CADM2: variants seen among roughly 807,000 people sequenced by gnomAD.
The protein encoded by CADM2 is cell adhesion molecule 2.
CADM2 carries 12 observed loss-of-function variants against 49.8 expected under a neutral mutation model. That is an observed-to-expected ratio of 0.24 (90% CI 0.15 to 0.39). The LOEUF (loss-of-function observed/expected upper bound fraction) is 0.39, where lower values mean the gene tolerates loss of function less well. CADM2 is among the 10% of genes least tolerant of loss of function. The pLI, the probability that CADM2 is intolerant of heterozygous loss-of-function variation, is 1.00. For missense variants in CADM2, 378 were observed against 492.3 expected (o/e 0.77, Z 2.20); for synonymous variants, 214 against 175.4 (o/e 1.22, Z -1.74).
chr3:85,750,699 A>G (rs1270259638), intron 2 of CADM2, among the ~76,000 whole-genome samples: 2 of 152,094 alleles, frequency 1.3e-5, no homozygotes, highest in African/African-American at 4.8e-5. Context: ...ATGGTACAGA[A>G]TATTTACTAT....
chr3:85,943,868 C>T (rs571955207), intron 7 of CADM2, among the ~76,000 whole-genome samples: 12 of 152,070 alleles, frequency 7.9e-5, no homozygotes, highest in South Asian at 6.2e-4. Flanking sequence ...CATCAACTAA[C>T]GAGCAAAATA....
At chr3:85,686,590 G>A (rs1418256567) in intron 1 of CADM2, among the ~76,000 whole-genome samples, 1 of 152,086 alleles carries the variant, frequency 6.6e-6, no homozygotes, top group Non-Finnish European at 1.5e-5. Flanking sequence ...GTATCTAAAT[G>A]ACTTCTGTCC....
At chr3:85,498,769 A>T (rs899623770) in intron 1 of CADM2, among the ~76,000 whole-genome samples, 1 of 152,178 alleles carries the variant, frequency 6.6e-6, no homozygotes, top group African/African-American at 2.4e-5. Flanking sequence ...ACGGGAATTT[A>T]ACCCTGCATT....
At chr3:85,133,475 C>G (rs1441032166) in intron 1 of CADM2, among the ~76,000 whole-genome samples, 1 of 151,956 alleles carries the variant, frequency 6.6e-6, no homozygotes, top group Non-Finnish European at 1.5e-5. Context: ...GATACAGTGT[C>G]GATTGGTGCA....
At position 86,020,354 on chromosome 3, in the gene CADM2, C is replaced by T. The variant is rs539312611; in HGVS notation, c.971-45251C>T. 3.3e-5 allele frequency among the ~76,000 whole-genome samples: 5 copies of T among 151,944 alleles called. No individual in the cohort carries two copies. In the South Asian group the frequency reaches 1.0e-3, roughly 32 times the overall value. Reference sequence around the variant, plus strand: ...ATTGTGGCAATAATCAATAGCTTACCAACCAAAAAGAGTCCAGGACCAGAA... The same window carrying T: ...ATTGTGGCAATAATCAATAGCTTACTAACCAAAAAGAGTCCAGGACCAGAA... On this transcript the variant is annotated intron_variant, in intron 8 of 9. Transcript: ENST00000383699.
At chr3:85,887,180 A>G (rs1273214850) in intron 5 of CADM2, among the ~76,000 whole-genome samples, 1 of 137,908 alleles carries the variant, frequency 7.3e-6, no homozygotes, top group African/African-American at 2.4e-5. Flanking sequence ...TCGCACTCCT[A>G]GGCTCCAGTG....
At chr3:85,476,793 T>C (rs2038992489) in intron 1 of CADM2, among the ~76,000 whole-genome samples, 1 of 151,830 alleles carries the variant, frequency 6.6e-6, no homozygotes, top group African/African-American at 2.4e-5. Context: ...AAATACACCA[T>C]GCTAGTTTTA....
intron 1 of CADM2, among the ~76,000 whole-genome samples, chr3:85,422,290 T>C (rs2036206538): frequency 6.7e-6 from 1 of 149,120 alleles, no homozygotes; most frequent in Non-Finnish European, 1.5e-5. Context: ...TGCAGCAGCC[T>C]TTTTTTTTTG....
chr3:85,347,886 C>A (rs1264257004), intron 1 of CADM2, among the ~76,000 whole-genome samples: 1 of 151,406 alleles, frequency 6.6e-6, no homozygotes, highest in Non-Finnish European at 1.5e-5. Context: ...CCGCTCAGTG[C>A]AAGCTCCGCC....
chr3:85,990,030 AAAAAAAAAAAAAAAG>A (rs1728581947), intron 8 of CADM2, among the ~76,000 whole-genome samples: 2 of 147,840 alleles, frequency 1.4e-5, no homozygotes, highest in African/African-American at 4.9e-5. Context: ...AAAAAAAAAA[AAAAAAAAAAAAAAAG>A]AAGACTAATA....
intron 2 of CADM2, among the ~76,000 whole-genome samples, chr3:85,776,688 A>G (rs1036503006): frequency 1.6e-4 from 25 of 152,224 alleles, no homozygotes; most frequent in Admixed American, 3.9e-4. Context: ...ATTTTTGTGC[A>G]CCACAGAAAT....
At chr3:86,061,596 AG>A (rs1371689011) in intron 8 of CADM2, among the ~76,000 whole-genome samples, 1 of 152,118 alleles carries the variant, frequency 6.6e-6, no homozygotes, top group African/African-American at 2.4e-5. Flanking sequence ...TTATTGCAAA[AG>A]TGTTTTTTAT....
chr3:85,758,908 G>T (rs2069244026), intron 2 of CADM2, among the ~76,000 whole-genome samples: 1 of 151,862 alleles, frequency 6.6e-6, no homozygotes, highest in Admixed American at 6.6e-5. Flanking sequence ...AATATATATT[G>T]CTGAGCATGA....
At chr3:85,647,142 A>C (rs1402445616) in intron 1 of CADM2, among the ~76,000 whole-genome samples, 1 of 151,750 alleles carries the variant, frequency 6.6e-6, no homozygotes, top group African/African-American at 2.4e-5. Context: ...AAATTCCCAA[A>C]ACACTGCCCT....
At chr3:84,992,374 C>A (rs2032939761) in intron 1 of CADM2, among the ~76,000 whole-genome samples, 1 of 152,026 alleles carries the variant, frequency 6.6e-6, no homozygotes. Flanking sequence ...GTTAAAATAA[C>A]AATGCTAGTA....
intron 1 of CADM2, among the ~76,000 whole-genome samples, chr3:85,297,948 A>T (rs2044006875): frequency 1.3e-5 from 2 of 152,092 alleles, no homozygotes; most frequent in African/African-American, 2.4e-5. Context: ...TGAAAGGAAG[A>T]AATAAAAAAC....
intron 2 of CADM2, among the ~76,000 whole-genome samples, chr3:85,769,687 T>C (rs2069968386): frequency 6.9e-6 from 1 of 145,948 alleles, no homozygotes; most frequent in South Asian, 2.1e-4. Flanking sequence ...TATACATATA[T>C]ATGATTTGTT....
At chr3:85,346,762 C>G (rs529047742) in intron 1 of CADM2, among the ~76,000 whole-genome samples, 1 of 152,118 alleles carries the variant, frequency 6.6e-6, no homozygotes, top group South Asian at 2.1e-4. Context: ...TTTGTCAATA[C>G]CAGATGTGGG....
At chr3:85,023,711 G>A (rs536478166) in intron 1 of CADM2, among the ~76,000 whole-genome samples, 1 of 152,066 alleles carries the variant, frequency 6.6e-6, no homozygotes, top group Non-Finnish European at 1.5e-5. Context: ...AAAAATTTCT[G>A]TCACTCCTAA....
Sources: allele counts gnomAD v4.1 joint callset (sites outside exome capture counted in the v4.1 genomes callset), GRCh38; gene constraint gnomAD v4.1.1; transcripts MANE v1.5; gene names NCBI Gene and HGNC (gene_info 2026-07-23, HGNC 2026-07-21).